Variants in PRORP observed in about 807,000 individuals in gnomAD.
PRORP encodes the protein protein only RNase P catalytic subunit.
Under a neutral mutation model 59.4 loss-of-function variants are expected in PRORP, and 51 were observed. The observed-to-expected ratio is 0.86, with a 90% confidence interval of 0.69 to 1.08. PRORP has a LOEUF of 1.08. Among genes scored for constraint, PRORP ranks in the 50% least tolerant of loss-of-function variants. PRORP has a pLI of 0.00. For missense variants in PRORP, 646 were observed against 690.3 expected, an observed-to-expected ratio of 0.94 and a Z score of 0.72; for synonymous variants, 231 against 245.6, an observed-to-expected ratio of 0.94 and a Z score of 0.55.
At chr14:35,246,472 A>T (rs2050487854) in intron 5 of PRORP, among the ~76,000 whole-genome samples, 1 of 151,854 alleles carries the variant, frequency 6.6e-6, no homozygotes, top group Non-Finnish European at 1.5e-5. Context: ...ATTAAGTCTT[A>T]CTCCTTTACT....
At chr14:35,176,037 G>A (rs2048441258) in intron 4 of PRORP, among the ~76,000 whole-genome samples, 1 of 152,166 alleles carries the variant, frequency 6.6e-6, no homozygotes, top group Non-Finnish European at 1.5e-5. Flanking sequence ...GTTTGTCAAA[G>A]ATCAGATAGT....
At chr14:35,251,658 G>A (rs1471129356) in intron 5 of PRORP, among the ~76,000 whole-genome samples, 5 of 152,066 alleles carry the variant, frequency 3.3e-5, no homozygotes, top group East Asian at 1.9e-4. Context: ...GGGTTCAAGC[G>A]ATTCTCCTGC....
At chr14:35,134,287 C>T (rs2138818193) in intron 4 of PRORP, among the ~76,000 whole-genome samples, 1 of 152,310 alleles carries the variant, frequency 6.6e-6, no homozygotes, top group Admixed American at 6.5e-5. Context: ...GGAGTTCTGC[C>T]AGGCTCCCAC....
At chr14:35,138,979 C>T (rs1463128185) in intron 4 of PRORP, among the ~76,000 whole-genome samples, 4 of 144,736 alleles carry the variant, frequency 2.8e-5, no homozygotes, top group African/African-American at 7.3e-5. Context: ...TTTGTAGAGA[C>T]GGGGTTTTAC....
At position 35,266,793 on chromosome 14, in the gene PRORP, A is replaced by G. The variant is rs1594359778; in HGVS notation, c.1342A>G (p.Met448Val). The change falls in exon 6 of 8, where the codon ATG becomes GTG. Residue 448 changes from methionine to valine, a missense_variant. Met to Val is a conservative substitution (Grantham distance 21). Transcript: ENST00000534898. ...ACTGCTGGTCCTAGGCCGGAAGCAC[A>G]TGCTAAGACGGAGTTCCCAGTGGAG... ...LRLLVLGRKH[M>V]LRRSSQWSRD... is the part of the protein sequence containing the mutation. 1 of 1,614,194 alleles carries G rather than the reference A, an allele frequency of 6.2e-7. No homozygotes were observed. The highest frequency in any genetic ancestry group is 8.5e-7 in the Non-Finnish European group (1 of 1,180,030).
chr14:35,223,459 T>A (rs2049847190), intron 5 of PRORP, among the ~76,000 whole-genome samples: 1 of 88,714 alleles, frequency 1.1e-5, no homozygotes, highest in African/African-American at 4.3e-5. Context: ...ACTTTAACTT[T>A]TTTTTTTTTT....
chr14:35,183,219 C>CAT (rs1472346730), intron 5 of PRORP, among the ~76,000 whole-genome samples: 1 of 122,524 alleles, frequency 8.2e-6, no homozygotes, highest in Non-Finnish European at 1.8e-5. Context: ...CACATACATA[C>CAT]ATACACACAC....
intron 5 of PRORP, among the ~76,000 whole-genome samples, chr14:35,225,372 G>A (rs148695626): frequency 0.023 from 3,536 of 151,794 alleles, 145 homozygotes; most frequent in African/African-American, 0.081. Flanking sequence ...TTAAGATGGA[G>A]TTTTGCTCTT....
intron 5 of PRORP, among the ~76,000 whole-genome samples, chr14:35,194,673 A>G (rs1566490123): frequency 6.6e-6 from 1 of 152,066 alleles, no homozygotes; most frequent in Non-Finnish European, 1.5e-5. Flanking sequence ...CCCAGAACTT[A>G]AAGTATAATT....
At chr14:35,150,766 G>T (rs1482813389) in intron 4 of PRORP, among the ~76,000 whole-genome samples, 2 of 152,140 alleles carry the variant, frequency 1.3e-5, no homozygotes, top group Admixed American at 6.5e-5. Flanking sequence ...CTGTTTTAGA[G>T]TTGGGTTGGT....
Position 35,266,784 on chromosome 14 carries a change from CGG to C in PRORP, c.1334_1335del (p.Arg445GlnfsTer14). ...GAATCTGCGACTGCTGGTCCTAGGC[CGG>C]AAGCACATGCTAAGACGGAGTTCCC... ...KRNLRLLVLG[R>X]KHMLRRSSQW... On this transcript the variant is annotated frameshift_variant, in exon 6 of 8. Coordinates refer to ENST00000534898, the MANE Select transcript of PRORP (RefSeq NM_014672.4). LOFTEE classifies it high-confidence loss of function. 2 of 1,614,082 alleles carry C rather than the reference CGG, an allele frequency of 1.2e-6. No homozygotes were observed. The highest frequency in any genetic ancestry group is 1.7e-6 in the Non-Finnish European group (2 of 1,180,016).
rs184352862 is a variant in PRORP, at chr14:35,180,194, C to G, written c.1168-476C>G. On this transcript the variant is annotated intron_variant, in intron 4 of 7. Coordinates refer to ENST00000534898, the MANE Select transcript of PRORP (RefSeq NM_014672.4). ...CACTTGAGGAGGCAGTCTGTCCATT[C>G]TCAGATCTCAAACTCCGTGCTGGGA... is the stretch of plus-strand genomic sequence containing the variant. Among the ~76,000 whole-genome samples the G allele has an allele frequency of 2.8e-4, 43 of 152,304 alleles. No individual in the cohort carries two copies. The East Asian group carries it at 6.6e-3, about 23-fold the overall frequency.
rs771817540 is a variant in PRORP at position 35,123,256 on chromosome 14, ATTTG to A, written c.16_19del (p.Phe6ValfsTer16). On this transcript the variant is annotated frameshift_variant, in exon 2 of 8. Transcript: ENST00000534898. LOFTEE classifies it high-confidence loss of function. ...TGATCTCACTGCATAATGACTTTCT[ATTTG>A]TTTGGTATTCGAAGCTTTCCGAAGC... The A allele has an allele frequency of 2.5e-6, 4 of 1,608,318 alleles. No individual in the cohort carries two copies. Among genetic ancestry groups the A allele is most frequent in the Non-Finnish European group, 2.5e-6 (3 of 1,177,942 alleles).
chr14:35,186,899 A>G (rs977651146), intron 5 of PRORP, among the ~76,000 whole-genome samples: 1 of 152,032 alleles, frequency 6.6e-6, no homozygotes, highest in Non-Finnish European at 1.5e-5. Flanking sequence ...CCTTCTTTCT[A>G]TCTTTATGAA....
intron 4 of PRORP, among the ~76,000 whole-genome samples, chr14:35,152,507 C>T (rs931949008): frequency 1.3e-5 from 2 of 152,006 alleles, no homozygotes; most frequent in Non-Finnish European, 1.5e-5. Flanking sequence ...GAAGGGGCGG[C>T]CAGGCAGAGG....
At chr14:35,201,973 T>TTA (rs200707310) in intron 5 of PRORP, among the ~76,000 whole-genome samples, 33 of 106,698 alleles carry the variant, frequency 3.1e-4, no homozygotes, top group South Asian at 8.8e-4. Flanking sequence ...ATTATTATTA[T>TTA]TTTTTTTTTT....
chr14:35,134,107 T>C (rs935410741), intron 4 of PRORP, among the ~76,000 whole-genome samples: 1 of 152,186 alleles, frequency 6.6e-6, no homozygotes, highest in Non-Finnish European at 1.5e-5. Context: ...AGAAGTGCCA[T>C]TTGGGAGCCA....
chr14:35,188,536 A>G (rs890615188), intron 5 of PRORP, among the ~76,000 whole-genome samples: 1 of 152,014 alleles, frequency 6.6e-6, no homozygotes, highest in South Asian at 2.1e-4. Context: ...TTTATCAGAT[A>G]TATAATCTCT....
chr14:35,160,478 G>A (rs1046362148), intron 4 of PRORP, among the ~76,000 whole-genome samples: 1 of 152,042 alleles, frequency 6.6e-6, no homozygotes, highest in East Asian at 1.9e-4. Flanking sequence ...CTCTGCTTCC[G>A]ATTTTTTTCA....
Sources: gnomAD v4.1 joint callset for allele counts (sites outside exome capture counted in the v4.1 genomes callset) on GRCh38, gnomAD v4.1.1 for gene constraint, MANE v1.5 for transcripts, NCBI Gene and HGNC (gene_info 2026-07-23, HGNC 2026-07-21) for gene names.